The following KIF5C variants were observed in gnomAD, a reference collection of about 807,000 sequenced individuals.
KIF5C encodes kinesin family member 5C.
KIF5C carries 18 observed loss-of-function variants against 125.2 expected under a neutral mutation model. That is an observed-to-expected ratio of 0.14 (90% CI 0.10 to 0.21). The LOEUF (loss-of-function observed/expected upper bound fraction) is 0.21. KIF5C is among the 10% of genes least tolerant of loss of function. The probability of loss-of-function intolerance (pLI) is 1.00; values close to 1 mark genes in which losing one functional copy is unlikely to be tolerated. For missense variants in KIF5C, 780 were observed against 1,183.8 expected, an observed-to-expected ratio of 0.66 and a Z score of 5.01; for synonymous variants, 405 against 434.0, an observed-to-expected ratio of 0.93 and a Z score of 0.83.
chr2:148,949,549 A>G (rs1398330467), intron 8 of KIF5C, among the ~76,000 whole-genome samples: 1 of 152,116 alleles, frequency 6.6e-6, no homozygotes, highest in Admixed American at 6.5e-5. Flanking sequence ...GCACTTCTGG[A>G]GCCTGGTTTC....
chr2:148,971,361 GA>G (rs891106657), intron 11 of KIF5C, among the ~76,000 whole-genome samples: 6 of 148,674 alleles, frequency 4.0e-5, no homozygotes, highest in Admixed American at 2.0e-4. Context: ...ATATGTTTAA[GA>G]AAAAAAAAGA....
At chr2:148,950,279 C>G (rs1423638980) in intron 9 of KIF5C, 35 bp from the exon 10 acceptor site, 2 of 1,599,832 alleles carry the variant, frequency 1.3e-6, no homozygotes, top group Non-Finnish European at 1.7e-6. Flanking sequence ...TCAGAATGGG[C>G]TGTCAAAACC....
At position 149,010,271 on chromosome 2, in the gene KIF5C, G is replaced by A. The variant is rs756942747; in HGVS notation, c.2687G>A (p.Arg896His). 9.4e-6 allele frequency: 15 copies of A among 1,594,834 alleles called. No individual in the cohort carries two copies. Among genetic ancestry groups the A allele is most frequent in the African/African-American group, 2.7e-5 (2 of 74,472 alleles). ...AKENAMRDRK[R>H]YQQEVDRIKE... ...GAGAACGCCATGCGGGACCGTAAGC[G>A]CTACCAGCAGGAGGTGGATCGTATC... Residue 896 changes from arginine (R) to histidine (H), a missense_variant, in exon 24 of 26, where the codon CGC becomes CAC. Physicochemically the swap from Arg to His is conservative, Grantham distance 29. Coordinates refer to ENST00000435030, the MANE Select transcript of KIF5C (RefSeq NM_004522.3).
At chr2:148,933,916 CAT>C (rs1682230684) in intron 3 of KIF5C, among the ~76,000 whole-genome samples, 1 of 148,318 alleles carries the variant, frequency 6.7e-6, no homozygotes, top group African/African-American at 2.5e-5. Context: ...TTAAATACAT[CAT>C]ACACACACAC....
intron 8 of KIF5C, among the ~76,000 whole-genome samples, chr2:148,949,327 A>G (rs1398921706): frequency 6.6e-6 from 1 of 152,078 alleles, no homozygotes; most frequent in Non-Finnish European, 1.5e-5. Context: ...TTTCCTTGCT[A>G]TGAGAATAAG....
intron 2 of KIF5C, among the ~76,000 whole-genome samples, chr2:148,926,554 G>A (rs918891518): frequency 6.6e-6 from 1 of 152,166 alleles, no homozygotes; most frequent in African/African-American, 2.4e-5. Flanking sequence ...CGTGGCCCCC[G>A]CAGTGCGGAG....
intron 7 of KIF5C, among the ~76,000 whole-genome samples, chr2:148,946,554 T>G (rs1682523972): frequency 6.6e-6 from 1 of 152,172 alleles, no homozygotes; most frequent in Admixed American, 6.5e-5. Flanking sequence ...GAATTTAAAG[T>G]GAGGCAGGGG....
chr2:148,996,296 C>G (rs924286012), intron 17 of KIF5C, among the ~76,000 whole-genome samples: 2 of 152,212 alleles, frequency 1.3e-5, no homozygotes, highest in Non-Finnish European at 2.9e-5. Flanking sequence ...TCAGTAAATG[C>G]AATTTGTGTC....
intron 19 of KIF5C, chr2:148,998,831 C>CAAAAAAAAAAAAAAAAAAAAAAAAA (rs58960407): frequency 1.6e-5 from 1 of 62,370 alleles, no homozygotes; most frequent in Non-Finnish European, 3.3e-5. Context: ...ATGAAAGCAC[C>CAAAAAAAAAAAAAAAAAAAAAAAAA]AAAAAAAAAA....
intron 1 of KIF5C, among the ~76,000 whole-genome samples, chr2:148,908,174 T>C (rs1681190753): frequency 1.3e-5 from 2 of 152,304 alleles, no homozygotes; most frequent in Admixed American, 1.3e-4. Context: ...TATGATTACT[T>C]TTAGAAGCAC....
chr2:148,881,665 C>G (rs917036496), intron 1 of KIF5C, among the ~76,000 whole-genome samples: 1 of 152,080 alleles, frequency 6.6e-6, no homozygotes, highest in African/African-American at 2.4e-5. Flanking sequence ...GCTCTTCTTC[C>G]CATTCACAGT....
intron 16 of KIF5C, among the ~76,000 whole-genome samples, chr2:148,991,778 C>T (rs571933841): frequency 7.2e-5 from 11 of 152,220 alleles, no homozygotes; most frequent in African/African-American, 2.4e-4. Context: ...AGCTAGGACT[C>T]AAAAAAATGT....
intron 10 of KIF5C, among the ~76,000 whole-genome samples, chr2:148,957,872 C>T (rs979333198): frequency 3.3e-5 from 5 of 151,966 alleles, no homozygotes; most frequent in African/African-American, 1.2e-4. Flanking sequence ...CAGTCAACAC[C>T]GAACTCTCAA....
At chr2:148,941,497 C>T (rs548719609) in intron 4 of KIF5C, 113 bp from the exon 5 acceptor site, 1 of 1,395,880 alleles carries the variant, frequency 7.2e-7, no homozygotes, top group South Asian at 1.3e-5. Flanking sequence ...CTTTGAACCC[C>T]TCTTCTTACT....
chr2:148,979,763 G>A (rs1051391232), intron 13 of KIF5C, among the ~76,000 whole-genome samples: 15 of 152,184 alleles, frequency 9.9e-5, no homozygotes, highest in African/African-American at 2.9e-4. Context: ...AACGGGGCCC[G>A]AGTACTGCGT....
intron 12 of KIF5C, among the ~76,000 whole-genome samples, chr2:148,976,554 C>T (rs566479981): frequency 6.6e-6 from 1 of 152,040 alleles, no homozygotes; most frequent in African/African-American, 2.4e-5. Flanking sequence ...AGGCCTGAGC[C>T]ACCACGCCTG....
At chr2:148,904,873 G>A (rs938868446) in intron 1 of KIF5C, among the ~76,000 whole-genome samples, 5 of 152,194 alleles carry the variant, frequency 3.3e-5, no homozygotes, top group African/African-American at 1.2e-4. Context: ...AGATAACATT[G>A]AATCAGGTAG....
chr2:149,013,978 T>C (rs1164469184), intron 25 of KIF5C, among the ~76,000 whole-genome samples: 1 of 152,222 alleles, frequency 6.6e-6, no homozygotes, highest in Non-Finnish European at 1.5e-5. Context: ...TGTCCAGGTT[T>C]GTCACATAAG....
intron 2 of KIF5C, among the ~76,000 whole-genome samples, chr2:148,927,912 C>T (rs1319482378): frequency 6.6e-6 from 1 of 152,132 alleles, no homozygotes; most frequent in Middle Eastern, 3.4e-3. Flanking sequence ...CCCTGTCCCT[C>T]CTCTCCCACC....
Sources: allele counts gnomAD v4.1 joint callset (sites outside exome capture counted in the v4.1 genomes callset), GRCh38; gene constraint gnomAD v4.1.1; transcripts MANE v1.5; gene names NCBI Gene and HGNC (gene_info 2026-07-23, HGNC 2026-07-21).